The following PALD1 variants were observed in gnomAD, a reference collection of about 807,000 sequenced individuals.
PALD1 encodes the protein paladin.
PALD1 carries 57 observed loss-of-function variants against 96.0 expected under a neutral mutation model. The observed-to-expected ratio is 0.59, with a 90% confidence interval of 0.48 to 0.74. PALD1 has a LOEUF of 0.74. PALD1 is among the 30% of genes least tolerant of loss of function. The pLI, the probability that PALD1 is intolerant of heterozygous loss-of-function variation, is 0.00. For missense variants in PALD1, 1,063 were observed against 1,143.7 expected, an observed-to-expected ratio of 0.93 and a Z score of 1.02; for synonymous variants, 464 against 473.6, an observed-to-expected ratio of 0.98 and a Z score of 0.26.
At chr10:70,488,497 C>G (rs1846047862) in intron 1 of PALD1, among the ~76,000 whole-genome samples, 1 of 152,218 alleles carries the variant, frequency 6.6e-6, no homozygotes, top group African/African-American at 2.4e-5. Context: ...CCCCTCCTTC[C>G]CCTCTCTCTG....
At chr10:70,560,183 C>A (rs373262825) in intron 18 of PALD1, among the ~76,000 whole-genome samples, 1 of 152,154 alleles carries the variant, frequency 6.6e-6, no homozygotes, top group Non-Finnish European at 1.5e-5. Context: ...CTGGAAGGCC[C>A]GGAGCAGGCT....
the PALD1 span, among the ~76,000 whole-genome samples, chr10:70,473,497 C>T: frequency 0.011 from 1,624 of 152,276 alleles, 29 homozygotes; most frequent in African/African-American, 0.025. Context: ...AGAAATGATC[C>T]TTCTTTTTTT....
intron 1 of PALD1, among the ~76,000 whole-genome samples, chr10:70,493,010 A>T (rs1322152106): frequency 6.6e-6 from 1 of 152,016 alleles, no homozygotes; most frequent in Non-Finnish European, 1.5e-5. Flanking sequence ...ACTGTGTCTC[A>T]CTCCATAGTC....
intron 17 of PALD1, among the ~76,000 whole-genome samples, chr10:70,543,024 C>T (rs890456978): frequency 6.0e-5 from 9 of 149,632 alleles, no homozygotes; most frequent in East Asian, 2.0e-4. Flanking sequence ...CCACCCGCCT[C>T]GGCCTCCCAA....
chr10:70,529,149 G>T (rs1326855459), intron 2 of PALD1, 80 bp from the exon 3 acceptor site: 33 of 649,344 alleles, frequency 5.1e-5, no homozygotes, highest in Non-Finnish European at 5.6e-6. Flanking sequence ...CCTGCGGTGG[G>T]CTCTGTGAGG....
At position 70,526,156 on chromosome 10, in the gene PALD1, T is replaced by A. The variant is rs1459926063; in HGVS notation, c.185+20T>A. 2 of 1,607,986 alleles carry A rather than the reference T, an allele frequency of 1.2e-6. No homozygotes were observed. The highest frequency in any genetic ancestry group is 2.7e-5 in the African/African-American group (2 of 74,832). ...GATCACGTGAGTGGCAGGGGGAGTG[T>A]GCCCATGTCCCTGGGAGACATGATG... On this transcript the variant is annotated intron_variant, in intron 2 of 19. Coordinates refer to ENST00000263563, the MANE Select transcript of PALD1 (RefSeq NM_014431.3).
In PALD1 at chr10:70,534,479, G is replaced by C. The variant is rs1158899663; in HGVS notation, c.1077G>C (p.Gln359His). 1 of 1,613,182 alleles carries C rather than the reference G, an allele frequency of 6.2e-7. No homozygotes were observed. Among genetic ancestry groups the C allele is most frequent in the Non-Finnish European group, 8.5e-7 (1 of 1,179,746 alleles). Residue 359 changes from glutamine (Q) to histidine (H), a missense_variant, in exon 9 of 20, where the codon CAG becomes CAC. Coordinates refer to ENST00000263563, the MANE Select transcript of PALD1 (RefSeq NM_014431.3). ...CTATGGAGCAGTTCCAGGTGATCCA[G>C]AGCTTTCTCCGCATGGTGCCCCAGG... ...PLPMEQFQVI[Q>H]SFLRMVPQGR...
intron 1 of PALD1, among the ~76,000 whole-genome samples, chr10:70,520,229 C>G (rs993428841): frequency 2.2e-4 from 33 of 152,188 alleles, no homozygotes; most frequent in African/African-American, 8.0e-4. Context: ...TTTGGAAAAG[C>G]TACCAGTCAT....
Position 70,567,993 on chromosome 10 carries a change from G to A in PALD1, c.*1260G>A, listed in dbSNP as rs1288763958. 2.1e-5 allele frequency: 3 copies of A among 146,026 alleles called. No individual in the cohort carries two copies. The highest frequency in any genetic ancestry group is 7.6e-5 in the African/African-American group (3 of 39,424). The allele number at this position is 146,026 out of a possible 1,614,324, so 9.0% of individuals were successfully genotyped here. On this transcript the variant is annotated 3_prime_UTR_variant, in exon 20 of 20. Coordinates refer to ENST00000263563, the MANE Select transcript of PALD1 (RefSeq NM_014431.3). ...TCTTTGGTTAGGCTCGTGTACTTCT[G>A]CAGGAAAAAAAAAAAAGGATGTGTC...
At chr10:70,538,054 T>TC (rs1431334001) in intron 11 of PALD1, 148 bp downstream of exon 11, 45 of 737,944 alleles carry the variant, frequency 6.1e-5, no homozygotes, top group Non-Finnish European at 5.2e-5. Flanking sequence ...TCGGGAGTAG[T>TC]CCCTGAGCAG....
chr10:70,542,258 C>A (rs369151739), intron 17 of PALD1, among the ~76,000 whole-genome samples: 1 of 152,202 alleles, frequency 6.6e-6, no homozygotes, highest in Non-Finnish European at 1.5e-5. Flanking sequence ...CTGATTCTTT[C>A]CTTTTTCCTT....
At chr10:70,493,523 T>A (rs1172118043) in intron 1 of PALD1, among the ~76,000 whole-genome samples, 1 of 152,182 alleles carries the variant, frequency 6.6e-6, no homozygotes, top group African/African-American at 2.4e-5. Flanking sequence ...GTTCCTCTTT[T>A]GGGATGCTGC....
At chr10:70,551,954 G>A (rs929254667) in intron 18 of PALD1, among the ~76,000 whole-genome samples, 8 of 152,316 alleles carry the variant, frequency 5.3e-5, no homozygotes, top group South Asian at 4.1e-4. Context: ...ACTTTTGCCC[G>A]TTTCCTTCTG....
chr10:70,469,429 C>T, the PALD1 span, among the ~76,000 whole-genome samples: 2 of 152,150 alleles, frequency 1.3e-5, no homozygotes, highest in Admixed American at 6.5e-5. Flanking sequence ...CTCAGATTGT[C>T]TGGGGGTGTC....
At chr10:70,473,898 C>A (rs528370787), upstream of PALD1, among the ~76,000 whole-genome samples, 5 of 151,288 alleles carry the variant, frequency 3.3e-5, no homozygotes, top group Admixed American at 6.6e-5. Context: ...TCCACCCCCC[C>A]CCCCTCAGCC....
At chr10:70,488,879 G>T (rs1188346644) in intron 1 of PALD1, among the ~76,000 whole-genome samples, 2 of 151,276 alleles carry the variant, frequency 1.3e-5, no homozygotes, top group African/African-American at 4.9e-5. Context: ...GTATTCTGCT[G>T]CTGGGGGTCT....
intron 19 of PALD1, among the ~76,000 whole-genome samples, chr10:70,564,935 G>A (rs891197609): frequency 1.3e-5 from 2 of 152,202 alleles, no homozygotes; most frequent in South Asian, 4.1e-4. Flanking sequence ...CTAGGGTGAG[G>A]CTGTAGTGGC....
At chr10:70,512,797 A>G (rs1846538646) in intron 1 of PALD1, among the ~76,000 whole-genome samples, 1 of 152,246 alleles carries the variant, frequency 6.6e-6, no homozygotes, top group Non-Finnish European at 1.5e-5. Flanking sequence ...TACAGTGTGG[A>G]AGTCCAGCCT....
At chr10:70,491,587 T>C (rs1846100043) in intron 1 of PALD1, among the ~76,000 whole-genome samples, 1 of 152,234 alleles carries the variant, frequency 6.6e-6, no homozygotes, top group Admixed American at 6.5e-5. Flanking sequence ...GGGGATGCTC[T>C]CATTACTTTT....
Sources: gnomAD v4.1 joint callset for allele counts (sites outside exome capture counted in the v4.1 genomes callset) on GRCh38, gnomAD v4.1.1 for gene constraint, MANE v1.5 for transcripts, NCBI Gene and HGNC (gene_info 2026-07-23, HGNC 2026-07-21) for gene names.